The following GRM8 variants were observed in gnomAD, a reference collection of about 807,000 sequenced individuals.
GRM8 encodes the protein metabotropic glutamate receptor 8.
Under a neutral mutation model 87.2 loss-of-function variants are expected in GRM8, and 47 were observed. That is an observed-to-expected ratio of 0.54 (90% CI 0.43 to 0.69). The LOEUF is 0.69. Among genes scored for constraint, GRM8 ranks in the 30% least tolerant of loss-of-function variants. The pLI, the probability that GRM8 is intolerant of heterozygous loss-of-function variation, is 0.00. For missense variants in GRM8, 1,019 were observed against 1,139.2 expected (o/e 0.89, Z 1.52); for synonymous variants, 396 against 404.5 (o/e 0.98, Z 0.25).
At chr7:126,989,639 C>T (rs996930240) in intron 3 of GRM8, among the ~76,000 whole-genome samples, 4 of 150,960 alleles carry the variant, frequency 2.6e-5, no homozygotes, top group African/African-American at 9.9e-5. Flanking sequence ...TAATATAGCA[C>T]TGCAAAAATG....
intron 3 of GRM8, among the ~76,000 whole-genome samples, chr7:127,044,715 G>T (rs1054362249): frequency 6.6e-6 from 1 of 152,122 alleles, no homozygotes; most frequent in Non-Finnish European, 1.5e-5. Context: ...TAATGATTTT[G>T]CAGGGAGGTA....
chr7:126,965,606 T>G (rs1204705444), intron 3 of GRM8, among the ~76,000 whole-genome samples: 64 of 152,116 alleles, frequency 4.2e-4, no homozygotes, highest in Non-Finnish European at 4.4e-5. Context: ...AAATATCACT[T>G]TAATATGTAA....
intron 3 of GRM8, among the ~76,000 whole-genome samples, chr7:126,921,594 A>C (rs1289984563): frequency 6.6e-6 from 1 of 152,162 alleles, no homozygotes; most frequent in East Asian, 1.9e-4. Flanking sequence ...ATTACAGAGA[A>C]GGATTAAGGC....
intron 6 of GRM8, among the ~76,000 whole-genome samples, chr7:126,835,172 T>C (rs1795733457): frequency 6.6e-6 from 1 of 152,130 alleles, no homozygotes; most frequent in Non-Finnish European, 1.5e-5. Context: ...CGTATTTCCC[T>C]ACAAAAATTC....
intron 7 of GRM8, among the ~76,000 whole-genome samples, chr7:126,729,546 T>C (rs765387438): frequency 1.2e-4 from 18 of 152,174 alleles, no homozygotes; most frequent in Non-Finnish European, 2.4e-4. Context: ...CTCCACTCTT[T>C]TACCAGTCCA....
rs555339158 is a variant in GRM8 at position 126,742,916 on chromosome 7, G to A, written c.1357+26949C>T. On this transcript the variant is annotated intron_variant, in intron 7 of 10. Coordinates refer to ENST00000339582, the MANE Select transcript of GRM8 (RefSeq NM_000845.3). ...TTCCTTTAGATTTCAAGTTTTCTGCGGGAAGGGACTCTATCTTACATATCT... is the reference window on the plus strand; with the variant it reads ...TTCCTTTAGATTTCAAGTTTTCTGCAGGAAGGGACTCTATCTTACATATCT... 1.9e-4 allele frequency among the ~76,000 whole-genome samples: 29 copies of A among 151,958 alleles called. No homozygotes were observed. In the South Asian group the frequency reaches 3.1e-3, roughly 16 times the overall value.
intron 7 of GRM8, among the ~76,000 whole-genome samples, chr7:126,729,440 T>C (rs531205095): frequency 6.6e-6 from 1 of 152,300 alleles, no homozygotes; most frequent in Admixed American, 6.5e-5. Flanking sequence ...TAAGGCCATG[T>C]CGATTCCAGA....
At chr7:126,961,220 A>C (rs1209743247) in intron 3 of GRM8, among the ~76,000 whole-genome samples, 1 of 152,228 alleles carries the variant, frequency 6.6e-6, no homozygotes, top group Non-Finnish European at 1.5e-5. Flanking sequence ...TTTCTGGTTC[A>C]TCCTAAATAG....
chr7:127,021,709 G>A (rs901586890), intron 3 of GRM8, among the ~76,000 whole-genome samples: 6 of 151,920 alleles, frequency 3.9e-5, no homozygotes, highest in Admixed American at 1.3e-4. Context: ...CTTAAAACAG[G>A]GACCTCAGCT....
chr7:126,727,978 G>C (rs1455650742), intron 7 of GRM8, among the ~76,000 whole-genome samples: 1 of 152,132 alleles, frequency 6.6e-6, no homozygotes, highest in African/African-American at 2.4e-5. Context: ...TGATATGATT[G>C]ACATGCTGAA....
intron 7 of GRM8, among the ~76,000 whole-genome samples, chr7:126,640,743 T>G (rs1802293367): frequency 6.6e-6 from 1 of 151,982 alleles, no homozygotes; most frequent in African/African-American, 2.4e-5. Context: ...CTTCCCCCCC[T>G]CCTACCCAAT....
intron 2 of GRM8, among the ~76,000 whole-genome samples, chr7:127,209,938 A>G (rs1055255249): frequency 6.6e-6 from 1 of 152,054 alleles, no homozygotes; most frequent in South Asian, 2.1e-4. Context: ...TCCCCACAAC[A>G]TATAATTCAC....
intron 9 of GRM8, among the ~76,000 whole-genome samples, chr7:126,464,029 C>T (rs1203768602): frequency 6.6e-6 from 1 of 151,580 alleles, no homozygotes; most frequent in Non-Finnish European, 1.5e-5. Context: ...AGCTGAATTG[C>T]TTTTCCTATA....
At chr7:126,485,985 C>A (rs1247092477) in intron 9 of GRM8, among the ~76,000 whole-genome samples, 2 of 152,028 alleles carry the variant, frequency 1.3e-5, no homozygotes, top group Non-Finnish European at 2.9e-5. Context: ...TCACGTACCT[C>A]TACACTTGAA....
At chr7:126,504,166 G>T (rs554704343) in intron 9 of GRM8, among the ~76,000 whole-genome samples, 1 of 151,880 alleles carries the variant, frequency 6.6e-6, no homozygotes, top group Non-Finnish European at 1.5e-5. Context: ...AAATGTACAC[G>T]TGATTTACAG....
At chr7:127,092,424 G>A (rs567353833) in intron 3 of GRM8, among the ~76,000 whole-genome samples, 7 of 152,172 alleles carry the variant, frequency 4.6e-5, no homozygotes, top group Middle Eastern at 3.2e-3. Context: ...GGCTGGGCAC[G>A]GTGGCCCACG....
chr7:126,767,273 G>T (rs1394063163), intron 7 of GRM8, among the ~76,000 whole-genome samples: 1 of 151,990 alleles, frequency 6.6e-6, no homozygotes, highest in African/African-American at 2.4e-5. Flanking sequence ...CTCCTCCTTG[G>T]AAACATCTTT....
chr7:126,555,783 C>T (rs1793073100), intron 8 of GRM8, among the ~76,000 whole-genome samples: 1 of 152,146 alleles, frequency 6.6e-6, no homozygotes, highest in South Asian at 2.1e-4. Flanking sequence ...CTTTATTCTT[C>T]CTAAAATATG....
chr7:126,720,995 A>G (rs1812333361), intron 7 of GRM8, among the ~76,000 whole-genome samples: 1 of 152,164 alleles, frequency 6.6e-6, no homozygotes, highest in South Asian at 2.1e-4. Context: ...TGGCCATTCT[A>G]CTGTCATCAC....
Sources: allele counts gnomAD v4.1 joint callset (sites outside exome capture counted in the v4.1 genomes callset), GRCh38; gene constraint gnomAD v4.1.1; transcripts MANE v1.5; gene names NCBI Gene and HGNC (gene_info 2026-07-23, HGNC 2026-07-21).